The following VPS13B variants were observed in gnomAD, a reference collection of about 807,000 sequenced individuals.
VPS13B encodes vacuolar protein sorting 13 homolog B, also known as intermembrane lipid transfer protein VPS13B.
VPS13B carries 285 observed loss-of-function variants against 426.4 expected under a neutral mutation model. The observed-to-expected ratio is 0.67, with a 90% CI of 0.61 to 0.74. The LOEUF (loss-of-function observed/expected upper bound fraction) is 0.74. Ranked by LOEUF, VPS13B falls within the 30% of genes least tolerant of loss-of-function variation. VPS13B has a pLI of 0.00. For missense variants in VPS13B, 4,537 were observed against 4,782.6 expected, an observed-to-expected ratio of 0.95 and a Z score of 1.51; for synonymous variants, 1,676 against 1,676.4, an observed-to-expected ratio of 1.00 and a Z score of 0.01.
At chr8:99,337,489 T>A (rs192437446) in intron 19 of VPS13B, among the ~76,000 whole-genome samples, 1 of 151,504 alleles carries the variant, frequency 6.6e-6, no homozygotes, top group Non-Finnish European at 1.5e-5. Flanking sequence ...ATTGTGCACA[T>A]GTACCCTAAA....
At chr8:99,564,141 A>C (rs887432820) in intron 31 of VPS13B, among the ~76,000 whole-genome samples, 1 of 152,178 alleles carries the variant, frequency 6.6e-6, no homozygotes, top group Admixed American at 6.5e-5. Flanking sequence ...GAGAATCATC[A>C]GATTTTAAAA....
At chr8:99,543,178 C>A (rs1204973474) in intron 30 of VPS13B, among the ~76,000 whole-genome samples, 3 of 152,258 alleles carry the variant, frequency 2.0e-5, no homozygotes, top group East Asian at 3.9e-4. Context: ...ACTATCTGAT[C>A]TTTGACAAAC....
intron 19 of VPS13B, among the ~76,000 whole-genome samples, chr8:99,360,202 CTCTCTCTCTTTCTT>C (rs1322110312): frequency 4.6e-4 from 19 of 41,196 alleles, no homozygotes; most frequent in African/African-American, 1.7e-3. Context: ...CTCTCTCTCT[CTCTCTCTCTTTCTT>C]TCTTTCTTTC....
intron 17 of VPS13B, among the ~76,000 whole-genome samples, chr8:99,193,980 TAC>T (rs1165222954): frequency 6.6e-6 from 1 of 152,168 alleles, no homozygotes; most frequent in Non-Finnish European, 1.5e-5. Context: ...ACATTTCATA[TAC>T]ACCTTATACA....
intron 34 of VPS13B, among the ~76,000 whole-genome samples, chr8:99,654,060 T>TA (rs1343122390): frequency 3.3e-5 from 5 of 151,314 alleles, no homozygotes; most frequent in African/African-American, 4.8e-5. Flanking sequence ...ATTATATATA[T>TA]TTTTTTGGGA....
chr8:99,452,321 A>G (rs1365991469), intron 23 of VPS13B, among the ~76,000 whole-genome samples: 1 of 151,870 alleles, frequency 6.6e-6, no homozygotes, highest in East Asian at 1.9e-4. Context: ...GGTCCCTCCA[A>G]CTCTGTGCTG....
At chr8:99,381,556 C>T (rs944867362) in intron 19 of VPS13B, among the ~76,000 whole-genome samples, 15 of 152,132 alleles carry the variant, frequency 9.9e-5, no homozygotes, top group Non-Finnish European at 1.8e-4. Flanking sequence ...ACCACAATCT[C>T]GCCAACATCT....
At chr8:99,662,832 A>G (rs992966930) in intron 35 of VPS13B, among the ~76,000 whole-genome samples, 27 of 152,208 alleles carry the variant, frequency 1.8e-4, no homozygotes, top group African/African-American at 6.0e-4. Context: ...AGATCACTTG[A>G]GACCAAGAAT....
intron 33 of VPS13B, among the ~76,000 whole-genome samples, chr8:99,593,504 C>A (rs1170983493): frequency 6.6e-6 from 1 of 152,068 alleles, no homozygotes; most frequent in Non-Finnish European, 1.5e-5. Flanking sequence ...TGTGGTGATT[C>A]TTCAAAGACC....
chr8:99,507,288 A>G lies in VPS13B; in HGVS notation c.4224+85A>G. The G allele has an allele frequency of 2.2e-6, 3 of 1,394,806 alleles. No individual in the cohort carries two copies. The East Asian group carries it at 6.9e-5, about 32-fold the overall frequency. The allele number at this position is 1,394,806 out of a possible 1,614,324, so 86.4% of individuals were successfully genotyped here. The stretch of plus-strand genomic sequence containing the variant: ...ATTTCATAAAATAGGACTAATGGTT[A>G]CAAGAATTTGAGTTCAGAATAAATT... On this transcript the variant is annotated intron_variant, in intron 28 of 61. Transcript: ENST00000357162.
At chr8:99,070,799 TCCTGTATGTATTTTCAAATAG>T (rs1182581470) in intron 3 of VPS13B, among the ~76,000 whole-genome samples, 1 of 152,050 alleles carries the variant, frequency 6.6e-6, no homozygotes, top group African/African-American at 2.4e-5. Context: ...TTCTTTTGTC[TCCTGTATGTATTTTCAAATAG>T]CCTGTTTTCA....
chr8:99,559,299 G>C (rs916385268), intron 31 of VPS13B, among the ~76,000 whole-genome samples: 8 of 152,140 alleles, frequency 5.3e-5, no homozygotes, highest in Non-Finnish European at 1.2e-4. Context: ...GTAGATTCTG[G>C]ATATTAGCCC....
chr8:99,114,328 C>T (rs1418335495), intron 6 of VPS13B, among the ~76,000 whole-genome samples: 3 of 151,952 alleles, frequency 2.0e-5, no homozygotes, highest in African/African-American at 4.8e-5. Context: ...ATTTAATTGC[C>T]GTTTATTAGT....
intron 8 of VPS13B, among the ~76,000 whole-genome samples, chr8:99,130,635 C>T (rs1476410915): frequency 6.6e-6 from 1 of 152,060 alleles, no homozygotes; most frequent in Non-Finnish European, 1.5e-5. Flanking sequence ...CGTGATCCGC[C>T]CACCTCGGCC....
At chr8:99,303,432 C>T (rs1272130623) in intron 19 of VPS13B, among the ~76,000 whole-genome samples, 2 of 151,390 alleles carry the variant, frequency 1.3e-5, no homozygotes, top group African/African-American at 2.4e-5. Context: ...TATAGTAATA[C>T]CACCATTAAA....
At chr8:99,199,995 A>G (rs1265479469) in intron 17 of VPS13B, among the ~76,000 whole-genome samples, 1 of 152,144 alleles carries the variant, frequency 6.6e-6, no homozygotes, top group African/African-American at 2.4e-5. Context: ...CAATTTTAGA[A>G]CGTTTCCAGC....
At chr8:99,149,699 C>A (rs1404564602) in intron 14 of VPS13B, among the ~76,000 whole-genome samples, 1 of 151,708 alleles carries the variant, frequency 6.6e-6, no homozygotes, top group African/African-American at 2.4e-5. Context: ...GGATGCGGAC[C>A]AGTACTGGTC....
chr8:99,544,243 CATAGGTGGGAACT>C (rs1159819657), intron 30 of VPS13B, among the ~76,000 whole-genome samples: 1 of 151,990 alleles, frequency 6.6e-6, no homozygotes, highest in East Asian at 1.9e-4. Flanking sequence ...TGTTCTCACT[CATAGGTGGGAACT>C]GAACAATGAG....
Position 99,405,184 on chromosome 8 carries a change from TTC to T in VPS13B, c.3082+13484_3082+13485del, listed in dbSNP as rs144681131. ...TCTGTTATACCAGTCTTATTTTTTT[TTC>T]TCTTTTTTAAAGGTGCCTCATATCC... is the stretch of plus-strand genomic sequence containing the variant. On this transcript the variant is annotated intron_variant, in intron 21 of 61. Transcript: ENST00000357162. Among the ~76,000 whole-genome samples the T allele has an allele frequency of 2.3e-3, 343 of 152,292 alleles. 3 individuals are homozygous for T. The highest frequency in any genetic ancestry group is 8.0e-3 in the African/African-American group (333 of 41,568).
Sources: gnomAD v4.1 joint callset for allele counts (sites outside exome capture counted in the v4.1 genomes callset) on GRCh38, gnomAD v4.1.1 for gene constraint, MANE v1.5 for transcripts, NCBI Gene and HGNC (gene_info 2026-07-23, HGNC 2026-07-21) for gene names.